The following EPS8 variants were observed in gnomAD, a reference collection of about 807,000 sequenced individuals.
EPS8 encodes epidermal growth factor receptor kinase substrate 8.
In EPS8, 42 loss-of-function variants were observed where a neutral mutation model predicts 103.8. The ratio of observed to expected loss-of-function variants is 0.40; its 90% confidence interval spans 0.32 to 0.52. The LOEUF (loss-of-function observed/expected upper bound fraction) is 0.52. EPS8 is among the 20% of genes least tolerant of loss of function. The pLI is 0.40. For synonymous variants in EPS8, 344 were observed against 344.6 expected, an observed-to-expected ratio of 1.00 and a Z score of 0.02; for missense variants, 969 against 1,005.1, an observed-to-expected ratio of 0.96 and a Z score of 0.49.
Position 15,787,737 on chromosome 12 carries a change from T to TATTG in EPS8, c.-22+1423_-22+1424insCAAT, listed in dbSNP as rs1174247966. On this transcript the variant is annotated intron_variant, in intron 1 of 20. Coordinates refer to ENST00000281172, the MANE Select transcript of EPS8 (RefSeq NM_004447.6). The surrounding 1 kb of genome is among the most constrained non-coding windows in gnomAD (Gnocchi z 4.9). The stretch of plus-strand genomic sequence containing the variant: ...TGTGTATTCTGCAATAAAGGCATTA[T>TATTG]ATTATCACTATTGCATTTGTGATAC... Among the ~76,000 whole-genome samples, 2 of 152,158 alleles carry TATTG rather than the reference T, an allele frequency of 1.3e-5. No individual in the cohort carries two copies. The highest frequency in any genetic ancestry group is 4.8e-5 in the African/African-American group (2 of 41,400).
intron 1 of EPS8, among the ~76,000 whole-genome samples, chr12:15,703,843 A>ATTTT (rs1946345365): frequency 4.0e-5 from 2 of 50,486 alleles, no homozygotes; most frequent in South Asian, 5.0e-4. Flanking sequence ...TGCTCTATGT[A>ATTTT]TTTGTTTTTT....
chr12:15,773,074 T>G (rs1333284966), intron 1 of EPS8, among the ~76,000 whole-genome samples: 1 of 152,104 alleles, frequency 6.6e-6, no homozygotes, highest in Non-Finnish European at 1.5e-5. Flanking sequence ...AAGCTTCTCT[T>G]CAAGAATCTT....
chr12:15,786,138 T>A (rs999254390), intron 1 of EPS8, among the ~76,000 whole-genome samples: 1 of 151,890 alleles, frequency 6.6e-6, no homozygotes, highest in South Asian at 2.1e-4. Flanking sequence ...TGGAGAAAAG[T>A]GGAAAAATCT....
Position 15,631,778 on chromosome 12 carries a change from C to A in EPS8, c.1822-114G>T, listed in dbSNP as rs1945051778. 4 of 730,968 alleles carry A rather than the reference C, an allele frequency of 5.5e-6. No individual in the cohort carries two copies. The South Asian group carries it at 7.8e-5, about 14-fold the overall frequency. 45.3% of individuals were successfully genotyped at this position (730,968 alleles called of 1,614,324 possible). On this transcript the variant is annotated intron_variant, in intron 17 of 20. Coordinates refer to ENST00000281172, the MANE Select transcript of EPS8 (RefSeq NM_004447.6). ...CTATTTTTAAACTTACTTGCAAACC[C>A]ATTACTCATTTATCTGTAATCCTAT...
At chr12:15,786,598 G>T (rs1208083310) in intron 1 of EPS8, among the ~76,000 whole-genome samples, 1 of 152,006 alleles carries the variant, frequency 6.6e-6, no homozygotes. Context: ...AGGGGAAGCT[G>T]GTATGGGGGT....
intron 1 of EPS8, among the ~76,000 whole-genome samples, chr12:15,786,861 C>T (rs566136620): frequency 4.5e-4 from 68 of 151,992 alleles, no homozygotes; most frequent in African/African-American, 1.6e-3. Flanking sequence ...TTAATAATTC[C>T]CAGGAGGGAT....
chr12:15,718,300 A>G (rs1317508270), intron 1 of EPS8, among the ~76,000 whole-genome samples: 3 of 152,254 alleles, frequency 2.0e-5, no homozygotes. Flanking sequence ...TACAGTAACT[A>G]GCAGTTTTAC....
chr12:15,732,792 A>C (rs1174006826), intron 1 of EPS8: 1 of 980,132 alleles, frequency 1.0e-6, no homozygotes, highest in Non-Finnish European at 1.2e-6. Flanking sequence ...GCCACAGGAG[A>C]ATAAAACTCT....
At chr12:15,660,510 C>T (rs1013849809) in intron 10 of EPS8, 104 bp downstream of exon 10, 23 of 719,098 alleles carry the variant, frequency 3.2e-5, no homozygotes, top group South Asian at 1.0e-4. Context: ...ATGATACACC[C>T]GCCTCGGCCT....
chr12:15,680,027 C>A (rs1251410951), intron 3 of EPS8, among the ~76,000 whole-genome samples: 1 of 152,102 alleles, frequency 6.6e-6, no homozygotes, highest in Non-Finnish European at 1.5e-5. Context: ...TTATTGAATA[C>A]ATTCTCTAGA....
At chr12:15,638,611 C>T (rs575730881) in intron 17 of EPS8, among the ~76,000 whole-genome samples, 49 of 152,128 alleles carry the variant, frequency 3.2e-4, no homozygotes, top group Non-Finnish European at 6.2e-4. Context: ...AAGTTTAAAA[C>T]GAAATAGCCA....
intron 17 of EPS8, among the ~76,000 whole-genome samples, chr12:15,640,247 A>G (rs1945205482): frequency 6.6e-6 from 1 of 152,162 alleles, no homozygotes; most frequent in African/African-American, 2.4e-5. Context: ...GTGTAAGGTG[A>G]GATGAGTGCA....
At chr12:15,654,087 A>G in intron 13 of EPS8, 58 bp downstream of exon 13, 2 of 1,479,376 alleles carry the variant, frequency 1.4e-6, no homozygotes, top group Non-Finnish European at 1.9e-6. Context: ...ATGTCTCATT[A>G]GATCCATGTA....
chr12:15,718,455 C>T (rs1168713971), intron 1 of EPS8, among the ~76,000 whole-genome samples: 1 of 152,146 alleles, frequency 6.6e-6, no homozygotes, highest in Admixed American at 6.5e-5. Context: ...ATAGAGCCTC[C>T]CATTTCTGCT....
At chr12:15,782,368 A>G (rs1427899602) in intron 1 of EPS8, among the ~76,000 whole-genome samples, 1 of 152,086 alleles carries the variant, frequency 6.6e-6, no homozygotes, top group Non-Finnish European at 1.5e-5. Flanking sequence ...AGGCCTGGTG[A>G]TACATGCCTA....
chr12:15,658,041 A>G (rs755481257), intron 12 of EPS8, 38 bp downstream of exon 12: 1 of 1,276,370 alleles, frequency 7.8e-7, no homozygotes. Flanking sequence ...TAAAAAATAT[A>G]CTAAGAACGA....
In EPS8 at chr12:15,624,251, AACC is replaced by A. The variant is rs1378951935; in HGVS notation, c.2198_2200del (p.Trp733del). The A allele has an allele frequency of 1.2e-6, 2 of 1,613,712 alleles. No homozygotes were observed. The highest frequency in any genetic ancestry group is 1.7e-6 in the Non-Finnish European group (2 of 1,179,922). On this transcript the variant is annotated inframe_deletion, in exon 19 of 21. Coordinates refer to ENST00000281172, the MANE Select transcript of EPS8 (RefSeq NM_004447.6). The stretch of plus-strand genomic sequence containing the variant: ...CACAGGGTTGAATCCCTTTGACTGT[AACC>A]ACGTCTTCACATCCTCTGGTGTGGA...
At chr12:15,665,949 A>C in intron 7 of EPS8, 57 bp from the exon 8 acceptor site, 1 of 1,535,138 alleles carries the variant, frequency 6.5e-7, no homozygotes, top group Non-Finnish European at 8.9e-7. Context: ...TAACATATCA[A>C]TTAACTCAAC....
chr12:15,717,029 C>A lies in EPS8; in HGVS notation c.-21-34057G>T, dbSNP rs1205076708. Among the ~76,000 whole-genome samples the A allele has an allele frequency of 6.6e-6, 1 of 152,148 alleles. No individual in the cohort carries two copies. The highest frequency in any genetic ancestry group is 2.4e-5 in the African/African-American group (1 of 41,430). The stretch of plus-strand genomic sequence containing the variant: ...AGAAATACTCTAAACTACATATTAT[C>A]AAATTTCAATTACATACATGCTAAG... On this transcript the variant is annotated intron_variant, in intron 1 of 20. Coordinates refer to ENST00000281172, the MANE Select transcript of EPS8 (RefSeq NM_004447.6). The surrounding 1 kb of genome is among the most constrained non-coding windows in gnomAD (Gnocchi z 4.3).
Sources: gnomAD v4.1 joint callset for allele counts (sites outside exome capture counted in the v4.1 genomes callset) on GRCh38, gnomAD v4.1.1 for gene constraint, Gnocchi (gnomAD v3.1) non-coding constraint, MANE v1.5 for transcripts, NCBI Gene and HGNC (gene_info 2026-07-23, HGNC 2026-07-21) for gene names.